PLXNA4: variants seen among roughly 807,000 people sequenced by gnomAD.
PLXNA4 encodes the protein plexin-A4.
A neutral mutation model predicts 191.8 loss-of-function variants in PLXNA4; 44 were observed. The ratio of observed to expected loss-of-function variants is 0.23; its 90% CI spans 0.18 to 0.29. PLXNA4 has a LOEUF of 0.29. PLXNA4 is among the 10% of genes least tolerant of loss of function. The pLI is 1.00. For missense variants in PLXNA4, 1,800 were observed against 2,488.8 expected (o/e 0.72, Z 5.89); for synonymous variants, 1,082 against 1,009.5 (o/e 1.07, Z -1.36).
intron 3 of PLXNA4, among the ~76,000 whole-genome samples, chr7:132,469,110 C>A (rs1459350291): frequency 1.4e-5 from 1 of 71,106 alleles, no homozygotes; most frequent in Non-Finnish European, 2.4e-5. Context: ...CTCGGAAATG[C>A]ACACCAACCA....
At chr7:132,573,673 T>C (rs1168998734) in intron 1 of PLXNA4, among the ~76,000 whole-genome samples, 1 of 151,366 alleles carries the variant, frequency 6.6e-6, no homozygotes, top group Non-Finnish European at 1.5e-5. Flanking sequence ...AGGAAACAAG[T>C]TGACTGCCTT....
chr7:132,543,480 T>C (rs987655356), intron 1 of PLXNA4, among the ~76,000 whole-genome samples: 1 of 152,238 alleles, frequency 6.6e-6, no homozygotes, highest in Non-Finnish European at 1.5e-5. Flanking sequence ...CTAGCTTTCA[T>C]ATGTCTTCAA....
rs528760456 is a variant in PLXNA4, at chr7:132,318,492, G to A, written c.1372-20270C>T. On this transcript the variant is annotated intron_variant, in intron 3 of 31. Transcript: ENST00000321063. ...CCCTGCTTTCCCTCTCCTTCCCCAG[G>A]GCTGGGAGCCAAGGGATGCCTCAGC... Among the ~76,000 whole-genome samples, 59 of 152,066 alleles carry A rather than the reference G, an allele frequency of 3.9e-4. No individual in the cohort carries two copies. The South Asian group carries it at 0.012, about 30-fold the overall frequency.
At chr7:132,328,167 G>A (rs751607785) in intron 3 of PLXNA4, among the ~76,000 whole-genome samples, 6 of 152,136 alleles carry the variant, frequency 3.9e-5, no homozygotes, top group South Asian at 2.1e-4. Flanking sequence ...TGGGTCGGGC[G>A]GGCGCTGGCT....
intron 25 of PLXNA4, among the ~76,000 whole-genome samples, chr7:132,152,536 C>T (rs539988463): frequency 6.6e-6 from 1 of 152,136 alleles, no homozygotes; most frequent in Admixed American, 6.5e-5. Flanking sequence ...CTCTTTTCAC[C>T]AGATGGGCTC....
chr7:132,239,772 C>T (rs1286868200), intron 5 of PLXNA4, among the ~76,000 whole-genome samples: 1 of 152,212 alleles, frequency 6.6e-6, no homozygotes, highest in Admixed American at 6.5e-5. Context: ...CTTGAGTGCA[C>T]AGTTTCTGAT....
rs1004157078 is a variant in PLXNA4, at chr7:132,219,559, A to G, written c.2097+3968T>C. ...GAATGAAGAGTTAAATCATAACAAA[A>G]CTTCAGATTATCGTGCTGTGAGTAA... On this transcript the variant is annotated intron_variant, in intron 9 of 31. Transcript: ENST00000321063. 3.3e-5 allele frequency among the ~76,000 whole-genome samples: 5 copies of G among 152,078 alleles called. 1 individual carries two copies. Among genetic ancestry groups the G allele is most frequent in the Non-Finnish European group, 5.9e-5 (4 of 68,022 alleles).
At chr7:132,272,110 C>T (rs979083613) in intron 4 of PLXNA4, among the ~76,000 whole-genome samples, 4 of 152,174 alleles carry the variant, frequency 2.6e-5, no homozygotes, top group African/African-American at 9.7e-5. Flanking sequence ...TCACTTGAGT[C>T]AGTGCATCAA....
chr7:132,641,484 T>C (rs149779283), intron 2 of PLXNA4, among the ~76,000 whole-genome samples: 2 of 152,222 alleles, frequency 1.3e-5, no homozygotes, highest in Non-Finnish European at 2.9e-5. Context: ...TATTTAACCT[T>C]AATTACCTCC....
intron 25 of PLXNA4, 53 bp from the exon 26 acceptor site, chr7:132,148,699 G>T: frequency 6.2e-7 from 1 of 1,611,346 alleles, no homozygotes; most frequent in Non-Finnish European, 8.5e-7. Context: ...CTCTTGTGGG[G>T]AAGCTGAGGA....
At chr7:132,499,118 G>A (rs553604810) in intron 2 of PLXNA4, among the ~76,000 whole-genome samples, 25 of 152,320 alleles carry the variant, frequency 1.6e-4, no homozygotes, top group South Asian at 2.1e-4. Context: ...AACCAATAGC[G>A]AGCTTTAGCA....
At chr7:132,537,395 G>T (rs1308717406) in intron 1 of PLXNA4, among the ~76,000 whole-genome samples, 3 of 152,230 alleles carry the variant, frequency 2.0e-5, no homozygotes, top group African/African-American at 4.8e-5. Flanking sequence ...AAGATTTGGT[G>T]GTTCTTTTTT....
At chr7:132,578,560 G>C (rs1356033577), upstream of PLXNA4, among the ~76,000 whole-genome samples, 7 of 152,154 alleles carry the variant, frequency 4.6e-5, no homozygotes, top group Non-Finnish European at 7.3e-5. Context: ...TGTGAATTGG[G>C]GAGCCTTTGA....
chr7:132,614,229 TCAA>T (rs1803108294), intron 2 of PLXNA4, among the ~76,000 whole-genome samples: 1 of 152,180 alleles, frequency 6.6e-6, no homozygotes, highest in African/African-American at 2.4e-5. Context: ...TTCCAACAGA[TCAA>T]CAATATAAAC....
chr7:132,353,521 C>T (rs1007600596), intron 3 of PLXNA4, among the ~76,000 whole-genome samples: 2 of 152,066 alleles, frequency 1.3e-5, no homozygotes, highest in African/African-American at 2.4e-5. Flanking sequence ...CCTATATTCA[C>T]TAGGAAGTTT....
chr7:132,632,783 G>A (rs2116880845), intron 2 of PLXNA4, among the ~76,000 whole-genome samples: 1 of 152,276 alleles, frequency 6.6e-6, no homozygotes, highest in African/African-American at 2.4e-5. Context: ...GAAACTTAAA[G>A]GGAATAAATT....
intron 3 of PLXNA4, among the ~76,000 whole-genome samples, chr7:132,452,487 A>G (rs1796158540): frequency 6.6e-6 from 1 of 152,194 alleles, no homozygotes; most frequent in African/African-American, 2.4e-5. Context: ...CGTCTTGGGA[A>G]ATCCAAAAAA....
At chr7:132,315,756 A>C (rs1801920445) in intron 3 of PLXNA4, among the ~76,000 whole-genome samples, 1 of 152,184 alleles carries the variant, frequency 6.6e-6, no homozygotes, top group African/African-American at 2.4e-5. Flanking sequence ...GCTGATTGTT[A>C]GGAGGAATAT....
intron 3 of PLXNA4, among the ~76,000 whole-genome samples, chr7:132,371,230 G>A (rs1399457707): frequency 6.6e-6 from 1 of 152,130 alleles, no homozygotes; most frequent in Non-Finnish European, 1.5e-5. Flanking sequence ...TCCGTGTTAT[G>A]TATACAGAAG....
Sources: allele counts gnomAD v4.1 joint callset (sites outside exome capture counted in the v4.1 genomes callset), GRCh38; gene constraint gnomAD v4.1.1; transcripts MANE v1.5; gene names NCBI Gene and HGNC (gene_info 2026-07-23, HGNC 2026-07-21).